Variants in TJP2 observed in about 807,000 individuals in gnomAD.
TJP2 encodes Friedreich ataxia region gene X104 (tight junction protein ZO-2).
Under a neutral mutation model 133.1 loss-of-function variants are expected in TJP2, and 91 were observed. The ratio of observed to expected loss-of-function variants is 0.68; its 90% CI spans 0.58 to 0.81. The LOEUF (loss-of-function observed/expected upper bound fraction) is 0.81, where lower values mean the gene tolerates loss of function less well. Ranked by LOEUF, TJP2 falls within the 40% of genes least tolerant of loss-of-function variation. The pLI is 0.00. For synonymous variants in TJP2, 592 were observed against 583.4 expected, an observed-to-expected ratio of 1.01 and a Z score of -0.21; for missense variants, 1,541 against 1,565.6, an observed-to-expected ratio of 0.98 and a Z score of 0.26.
chr9:69,174,561 C>A, intron 1 of TJP2, 129 bp downstream of exon 1: 4 of 1,157,976 alleles, frequency 3.5e-6, no homozygotes, highest in Non-Finnish European at 5.0e-6. Context: ...GGGATTCTCC[C>A]ATCCGGACGT....
intron 1 of TJP2, among the ~76,000 whole-genome samples, chr9:69,176,399 C>A (rs181926841): frequency 1.2e-4 from 18 of 152,220 alleles, no homozygotes; most frequent in Non-Finnish European, 2.1e-4. Context: ...GAGGTGAGAT[C>A]TAAAGATACA....
intron 6 of TJP2, 113 bp downstream of exon 6, chr9:69,225,520 A>T: frequency 2.6e-6 from 2 of 762,010 alleles, no homozygotes; most frequent in Non-Finnish European, 2.3e-6. Context: ...CAGTGGTAAG[A>T]CAGAGGTGGC....
At chr9:69,132,237 A>G (rs1172092323) in intron 1 of TJP2, among the ~76,000 whole-genome samples, 2 of 152,236 alleles carry the variant, frequency 1.3e-5, no homozygotes, top group African/African-American at 4.8e-5. Flanking sequence ...TGTTCAGCAT[A>G]AACCACATGG....
At chr9:69,207,870 G>T (rs1827559301) in intron 1 of TJP2, among the ~76,000 whole-genome samples, 1 of 152,206 alleles carries the variant, frequency 6.6e-6, no homozygotes, top group Admixed American at 6.5e-5. Flanking sequence ...GAGGAATAAG[G>T]ATGATTATGT....
At chr9:69,156,376 AT>A (rs1823758397) in intron 2 of TJP2, among the ~76,000 whole-genome samples, 1 of 152,134 alleles carries the variant, frequency 6.6e-6, no homozygotes, top group African/African-American at 2.4e-5. Context: ...AAAAAGAAAA[AT>A]TTAGAAAGTT....
intron 1 of TJP2, among the ~76,000 whole-genome samples, chr9:69,143,227 C>T (rs570177522): frequency 3.3e-4 from 50 of 152,228 alleles, no homozygotes; most frequent in African/African-American, 1.1e-3. Flanking sequence ...TTAAATGCAT[C>T]GAAAATTCCA....
intron 1 of TJP2, among the ~76,000 whole-genome samples, chr9:69,189,103 A>G (rs1024207023): frequency 6.6e-6 from 1 of 152,216 alleles, no homozygotes; most frequent in South Asian, 2.1e-4. Flanking sequence ...TCTACTATCT[A>G]ACTGACACCA....
intron 1 of TJP2, chr9:69,205,333 G>A (rs747375411): frequency 2.3e-5 from 35 of 1,520,440 alleles, no homozygotes; most frequent in Non-Finnish European, 3.1e-5. Flanking sequence ...TTTATCCTCA[G>A]ATTGATTTGT....
At chr9:69,226,320 T>A in intron 7 of TJP2, 145 bp downstream of exon 7, 1 of 947,938 alleles carries the variant, frequency 1.1e-6, no homozygotes. Context: ...GGTCACTGGT[T>A]GGTTGTTATT....
Position 69,254,473 on chromosome 9 carries a change from A to G in TJP2, c.*99A>G, listed in dbSNP as rs1831567128. The G allele has an allele frequency of 2.0e-6, 3 of 1,499,910 alleles. No homozygotes were observed. Among genetic ancestry groups the G allele is most frequent in the Non-Finnish European group, 2.8e-6 (3 of 1,089,826 alleles). The allele number at this position is 1,499,910 out of a possible 1,614,324, so 92.9% of individuals were successfully genotyped here. ...GGTTCTTCTCCAGTTAGAATGCACC[A>G]TGGAGACGTGGTGGGACTCCAGCTC... is the stretch of plus-strand genomic sequence containing the variant. On this transcript the variant is annotated 3_prime_UTR_variant, in exon 23 of 23. Transcript: ENST00000377245.
intron 11 of TJP2, among the ~76,000 whole-genome samples, chr9:69,230,595 T>C (rs931466383): frequency 2.0e-5 from 3 of 152,240 alleles, no homozygotes; most frequent in Non-Finnish European, 4.4e-5. Flanking sequence ...GCCATCTTTC[T>C]TAAGGCAGTG....
At chr9:69,251,497 A>G (rs1831329922) in intron 21 of TJP2, 133 bp downstream of exon 21, 6 of 932,184 alleles carry the variant, frequency 6.4e-6, no homozygotes, top group African/African-American at 1.6e-5. Flanking sequence ...GGTGCTGTGT[A>G]TGTCACTTCA....
At chr9:69,245,023 C>A (rs1830826145) in intron 17 of TJP2, among the ~76,000 whole-genome samples, 1 of 152,150 alleles carries the variant, frequency 6.6e-6, no homozygotes, top group Non-Finnish European at 1.5e-5. Context: ...GTAAATCACT[C>A]ATTTTGTCTC....
intron 1 of TJP2, among the ~76,000 whole-genome samples, chr9:69,137,147 G>A (rs970097170): frequency 3.9e-5 from 6 of 152,116 alleles, no homozygotes; most frequent in African/African-American, 1.2e-4. Flanking sequence ...CAGGTCGGCA[G>A]CCTCTCGTCA....
intron 1 of TJP2, among the ~76,000 whole-genome samples, chr9:69,174,948 G>A (rs7024540): frequency 0.43 from 63,956 of 150,036 alleles, 13,963 homozygotes; most frequent in East Asian, 0.63. Flanking sequence ...AATGGGGATG[G>A]AGGTTTGGAA....
intron 2 of TJP2, among the ~76,000 whole-genome samples, chr9:69,166,040 C>T (rs545493894): frequency 6.6e-6 from 1 of 152,352 alleles, no homozygotes; most frequent in South Asian, 2.1e-4. Context: ...GGACTCTCCC[C>T]AAACACCAGT....
At chr9:69,252,704 G>A in intron 21 of TJP2, 111 bp from the exon 22 acceptor site, 3 of 1,015,672 alleles carry the variant, frequency 3.0e-6, no homozygotes, top group Middle Eastern at 2.0e-4. Context: ...GAAATGGGAT[G>A]GGAAAATAAG....
In TJP2 at chr9:69,141,716, G is replaced by A. The variant is rs750408660; in HGVS notation, c.-130-9935G>A. Among the ~76,000 whole-genome samples the A allele has an allele frequency of 1.8e-4, 27 of 152,048 alleles. 1 individual carries two copies. Among genetic ancestry groups the A allele is most frequent in the Non-Finnish European group, 3.2e-4 (22 of 68,002 alleles). ...AGCGATTCTTATGCCTCAGCCTCCC[G>A]AGTAGCTGGGATTACAGGTGCCCAC... On this transcript the variant is annotated intron_variant, in intron 1 of 5. Coordinates refer to the TJP2 transcript ENST00000423935.
At chr9:69,230,387 A>G (rs80254638) in intron 11 of TJP2, among the ~76,000 whole-genome samples, 155 bp downstream of exon 11, 1 of 152,168 alleles carries the variant, frequency 6.6e-6, no homozygotes, top group Non-Finnish European at 1.5e-5. Flanking sequence ...GTATTCCTCA[A>G]ATGCGTCCTG....
Sources: allele counts gnomAD v4.1 joint callset (sites outside exome capture counted in the v4.1 genomes callset), GRCh38; gene constraint gnomAD v4.1.1; transcripts MANE v1.5; gene names NCBI Gene and HGNC (gene_info 2026-07-23, HGNC 2026-07-21).